Variants in DNAH6 observed in about 807,000 individuals in gnomAD.
DNAH6 encodes axonemal beta dynein heavy chain 6.
DNAH6 carries 340 observed loss-of-function variants against 491.4 expected under a neutral mutation model. The ratio of observed to expected loss-of-function variants is 0.69; its 90% CI spans 0.63 to 0.76. DNAH6 has a LOEUF of 0.76. Among genes scored for constraint, DNAH6 ranks in the 30% least tolerant of loss-of-function variants. The pLI is 0.00. For synonymous variants in DNAH6, 1,603 were observed against 1,686.1 expected (o/e 0.95, Z 1.21); for missense variants, 4,443 against 4,972.2 (o/e 0.89, Z 3.20).
At chr2:84,694,772 G>A (rs1456466004) in intron 46 of DNAH6, among the ~76,000 whole-genome samples, 1 of 152,202 alleles carries the variant, frequency 6.6e-6, no homozygotes, top group Non-Finnish European at 1.5e-5. Context: ...CTATAAAAGT[G>A]CATATAAGAA....
intron 76 of DNAH6, 26 bp from the exon 77 acceptor site, chr2:84,819,278 AC>A (rs112294720): frequency 6.8e-7 from 1 of 1,472,692 alleles, no homozygotes; most frequent in Non-Finnish European, 9.3e-7. Context: ...TTAAGTAACA[AC>A]CTTTTTTTCC....
intron 3 of DNAH6, among the ~76,000 whole-genome samples, chr2:84,526,982 CAG>C (rs1676660121): frequency 6.6e-6 from 1 of 151,974 alleles, no homozygotes; most frequent in Non-Finnish European, 1.5e-5. Flanking sequence ...AGCTGTCACT[CAG>C]TGAAGAACTC....
chr2:84,670,601 T>C, intron 39 of DNAH6, 126 bp downstream of exon 39: 7 of 730,182 alleles, frequency 9.6e-6, no homozygotes, highest in Non-Finnish European at 1.5e-5. Context: ...TAAAGGTGAT[T>C]CTGTTCATGG....
In DNAH6 at chr2:84,670,472, C is replaced by A. The variant is rs1159706548; in HGVS notation, c.6451C>A (p.Leu2151Ile). Residue 2151 changes from leucine (L) to isoleucine (I), a missense_variant, in exon 39 of 77, where the codon CTA becomes ATA. By Grantham distance (5) the Leu-to-Ile change is conservative. Around this residue, in one of 3 missense-constraint regions of DNAH6, gnomAD observed 2,977 missense variants for 3,296.6 expected, o/e 0.90. Transcript: ENST00000389394. ...SKLERKRKNI[L>I]GAPGNKRIVI... ...ACTGGAGAGAAAAAGAAAAAATATT[C>A]TAGGTAAGAATCATTATTTTAGTTT... is the stretch of plus-strand genomic sequence containing the variant. 8 of 1,518,492 alleles carry A rather than the reference C, an allele frequency of 5.3e-6. No homozygotes were observed. The highest frequency in any genetic ancestry group is 2.5e-5 in the East Asian group (1 of 40,360). 94.1% of individuals were successfully genotyped at this position (1,518,492 alleles called of 1,614,324 possible). A position where few individuals can be genotyped will look rare whatever the true frequency, so the allele number is the denominator to read the frequency against.
intron 15 of DNAH6, chr2:84,584,921 T>C (rs937352714): frequency 2.6e-5 from 4 of 152,276 alleles, no homozygotes; most frequent in African/African-American, 9.6e-5. Flanking sequence ...AGACAGAGTG[T>C]ACATTGATAA....
chr2:84,628,525 A>AG (rs1197471891), intron 29 of DNAH6, among the ~76,000 whole-genome samples: 5 of 152,180 alleles, frequency 3.3e-5, no homozygotes, highest in Non-Finnish European at 7.3e-5. Flanking sequence ...AGTTTTCCTC[A>AG]GGATTTGGTC....
At chr2:84,784,869 G>A in intron 66 of DNAH6, 59 bp downstream of exon 66, 1 of 1,217,876 alleles carries the variant, frequency 8.2e-7, no homozygotes, top group Non-Finnish European at 1.2e-6. Flanking sequence ...TATTCACCTA[G>A]TGCCTCCCAG....
intron 11 of DNAH6, among the ~76,000 whole-genome samples, chr2:84,560,358 A>C (rs1680515228): frequency 6.6e-6 from 1 of 152,158 alleles, no homozygotes; most frequent in Non-Finnish European, 1.5e-5. Context: ...ATTTAAAAAA[A>C]AACTCATGGA....
chr2:84,632,497 G>A (rs1688501831), intron 29 of DNAH6, among the ~76,000 whole-genome samples: 1 of 152,180 alleles, frequency 6.6e-6, no homozygotes, highest in Non-Finnish European at 1.5e-5. Context: ...AAGAGTCTGT[G>A]TCACAGATCA....
chr2:84,580,316 G>A (rs200217991), intron 14 of DNAH6, among the ~76,000 whole-genome samples: 2 of 149,290 alleles, frequency 1.3e-5, no homozygotes, highest in Admixed American at 6.7e-5. Context: ...ACATACACAC[G>A]CACACACACA....
chr2:84,605,905 A>AAGC (rs1322782920), intron 20 of DNAH6, among the ~76,000 whole-genome samples: 3 of 152,206 alleles, frequency 2.0e-5, no homozygotes, highest in African/African-American at 7.2e-5. Flanking sequence ...CAGTCATAAC[A>AAGC]AGCTGGATCT....
rs770811394 is a variant in DNAH6, at chr2:84,616,872, T to C, written c.3476-14T>C. 3.6e-6 allele frequency: 5 copies of C among 1,406,454 alleles called. No individual in the cohort carries two copies. Among genetic ancestry groups the C allele is most frequent in the Non-Finnish European group, 4.7e-6 (5 of 1,069,494 alleles). The allele number at this position is 1,406,454 out of a possible 1,614,324, so 87.1% of individuals were successfully genotyped here. A position where few individuals can be genotyped will look rare whatever the true frequency, so the allele number is the denominator to read the frequency against. ...AACACAGTTTTACCAATACTATTTT[T>C]TTTTAATGAACAGGACTTCTGGAAA... On this transcript the variant is annotated splice_polypyrimidine_tract_variant and intron_variant, in intron 22 of 76. Transcript: ENST00000389394.
At chr2:84,566,090 A>G (rs1348255270) in intron 11 of DNAH6, among the ~76,000 whole-genome samples, 2 of 151,940 alleles carry the variant, frequency 1.3e-5, no homozygotes, top group Admixed American at 1.3e-4. Flanking sequence ...AGACCGCTTA[A>G]CTAACCCCAC....
intron 33 of DNAH6, among the ~76,000 whole-genome samples, chr2:84,646,533 A>G (rs1689915672): frequency 1.3e-5 from 2 of 152,248 alleles, no homozygotes; most frequent in Admixed American, 1.3e-4. Flanking sequence ...AAAGGAAAAG[A>G]TATTGAAAGA....
At chr2:84,728,636 T>TA (rs59177427) in intron 61 of DNAH6, among the ~76,000 whole-genome samples, 1 of 152,312 alleles carries the variant, frequency 6.6e-6, no homozygotes, top group African/African-American at 2.4e-5. Context: ...TAGTTTTTTT[T>TA]AAAAAACCAT....
intron 74 of DNAH6, 43 bp downstream of exon 74, chr2:84,813,173 C>T (rs1001891401): frequency 8.6e-6 from 12 of 1,387,900 alleles, no homozygotes; most frequent in Non-Finnish European, 1.2e-5. Flanking sequence ...ATGGCCATGA[C>T]TTCTCATACA....
chr2:84,797,464 A>C, intron 69 of DNAH6, 73 bp from the exon 70 acceptor site: 1 of 1,466,100 alleles, frequency 6.8e-7, no homozygotes. Context: ...GCACCACACA[A>C]AGAAAAATCA....
Position 84,706,914 on chromosome 2 carries a change from A to G in DNAH6, c.8746A>G (p.Met2916Val), listed in dbSNP as rs1344519677. ...TTATTAGGCTGAACTTGACATTACC[A>G]TGGCTACCCTGAGAGAAAAGCAAGC... ...RAAQAELDIT[M>V]ATLREKQALL... Residue 2916 changes from methionine to valine, a missense_variant, in exon 53 of 77, where the codon ATG becomes GTG. Coordinates refer to ENST00000389394, the MANE Select transcript of DNAH6 (RefSeq NM_001370.2). The G allele has an allele frequency of 3.2e-6, 5 of 1,541,576 alleles. No individual in the cohort carries two copies. Among genetic ancestry groups the G allele is most frequent in the Middle Eastern group, 3.3e-4 (2 of 5,986 alleles).
intron 29 of DNAH6, among the ~76,000 whole-genome samples, chr2:84,631,660 G>T (rs1026555114): frequency 6.6e-6 from 1 of 152,038 alleles, no homozygotes; most frequent in African/African-American, 2.4e-5. Context: ...AGTACAAGAA[G>T]CCAAGGAATC....
Sources: allele counts gnomAD v4.1 joint callset (sites outside exome capture counted in the v4.1 genomes callset), GRCh38; gene constraint gnomAD v4.1.1; regional missense constraint gnomAD v4.1.1; transcripts MANE v1.5; gene names NCBI Gene and HGNC (gene_info 2026-07-23, HGNC 2026-07-21).